The following PCDHGB2 variants were observed in gnomAD, a reference collection of about 807,000 sequenced individuals.
The protein encoded by PCDHGB2 is protocadherin gamma subfamily B, 2.
A neutral mutation model predicts 59.3 loss-of-function variants in PCDHGB2; 55 were observed. That is an observed-to-expected ratio of 0.93 (90% CI 0.75 to 1.16). The LOEUF is 1.16. PCDHGB2 is among the 50% of genes most tolerant of loss of function. The probability of loss-of-function intolerance (pLI) is 0.00; values close to 1 mark genes in which losing one functional copy is unlikely to be tolerated. For synonymous variants in PCDHGB2, 516 were observed against 512.0 expected (o/e 1.01, Z -0.11); for missense variants, 1,228 against 1,198.5 (o/e 1.02, Z -0.36).
chr5:141,479,435 G>C (rs2099495981), intron 1 of PCDHGB2: 1 of 152,218 alleles, frequency 6.6e-6, no homozygotes, highest in Non-Finnish European at 1.5e-5. Context: ...TCAATCCACT[G>C]TCTGCACTAA....
rs761769972 is a variant in PCDHGB2, at chr5:141,360,379, GGAGACTTACTTGTGAGTGACA to G, written c.247_267del (p.Asp83_Arg89del). On this transcript the variant is annotated inframe_deletion, in exon 1 of 4. Transcript: ENST00000522605. ...ATATTTCACAGTAAACCCAGAAAGC[GGAGACTTACTTGTGAGTGACA>G]GAATAGACCGAGAACAGATATGCGG... The G allele has an allele frequency of 5.6e-6, 9 of 1,613,760 alleles. No homozygotes were observed. Among genetic ancestry groups the G allele is most frequent in the Non-Finnish European group, 7.6e-6 (9 of 1,179,806 alleles).
At chr5:141,417,753 C>T (rs889153718) in intron 1 of PCDHGB2, 3 of 1,431,672 alleles carry the variant, frequency 2.1e-6, no homozygotes, top group African/African-American at 2.9e-5. Flanking sequence ...ATTGCCAGCT[C>T]CGAGACCCGG....
chr5:141,376,504 T>C, intron 1 of PCDHGB2: 1 of 1,614,034 alleles, frequency 6.2e-7, no homozygotes, highest in African/African-American at 1.3e-5. Context: ...CCAGGCAACT[T>C]CAGGTGAGTT....
chr5:141,390,373 A>T, intron 1 of PCDHGB2: 1 of 1,481,208 alleles, frequency 6.8e-7, no homozygotes, highest in Non-Finnish European at 9.2e-7. Flanking sequence ...AAAATATATA[A>T]TTTTTAGATG....
chr5:141,361,214 C>G lies in PCDHGB2; in HGVS notation c.1079C>G (p.Ser360Trp). 6.2e-7 allele frequency: 1 copy of G among 1,613,912 alleles called. No homozygotes were observed. The highest frequency in any genetic ancestry group is 8.5e-7 in the Non-Finnish European group (1 of 1,179,872). ...TSVSTPLPED[S>W]PPGTVIALIK... is the part of the protein sequence containing the mutation. Reference sequence around the variant, plus strand: ...GTATCTACTCCCCTACCGGAGGATTCGCCACCAGGAACAGTGATCGCCTTG... The same window carrying G: ...GTATCTACTCCCCTACCGGAGGATTGGCCACCAGGAACAGTGATCGCCTTG... The change falls in exon 1 of 4, where the codon TCG becomes TGG. Residue 360 changes from serine to tryptophan, a missense_variant. This residue lies in a region of PCDHGB2 where 781 missense variants were observed against 721.6 expected (regional missense o/e 1.08). Coordinates refer to ENST00000522605, the MANE Select transcript of PCDHGB2 (RefSeq NM_018923.3).
chr5:141,377,571 G>A (rs1188090213), intron 1 of PCDHGB2: 1 of 151,658 alleles, frequency 6.6e-6, no homozygotes, highest in African/African-American at 2.4e-5. Context: ...ACCCTAGCCT[G>A]GGAGACAGAA....
intron 1 of PCDHGB2, chr5:141,475,845 G>C: frequency 4.5e-6 from 2 of 448,002 alleles, no homozygotes; most frequent in Non-Finnish European, 7.9e-6. Context: ...TGCTCAGAGA[G>C]CCCGGCGCTA....
chr5:141,423,756 GGGGGTGGGGC>G, intron 1 of PCDHGB2: 1 of 448,620 alleles, frequency 2.2e-6, no homozygotes, highest in Non-Finnish European at 3.0e-6. Context: ...TGTTTGGGGG[GGGGGTGGGGC>G]GGCATATATT....
chr5:141,372,277 C>A, intron 1 of PCDHGB2: 1 of 1,613,112 alleles, frequency 6.2e-7, no homozygotes. Flanking sequence ...GAGGTGCGCA[C>A]GGCGCGTACC....
In PCDHGB2 at chr5:141,413,451, C is replaced by T. The variant is rs1561742650; in HGVS notation, c.2421+50895C>T. 6.2e-6 allele frequency: 10 copies of T among 1,614,118 alleles called. No homozygotes were observed. The South Asian group carries it at 1.1e-4, about 18-fold the overall frequency. ...GCAGCGGCAGCTTGATCACCGCGGGCAGGATAGACCGGGAGGAGCTCTGCG... is the reference window on the plus strand; with the variant it reads ...GCAGCGGCAGCTTGATCACCGCGGGTAGGATAGACCGGGAGGAGCTCTGCG... On this transcript the variant is annotated intron_variant, in intron 1 of 3. Transcript: ENST00000522605.
At chr5:141,450,770 AG>A (rs1354382498) in intron 1 of PCDHGB2, among the ~76,000 whole-genome samples, 1 of 151,448 alleles carries the variant, frequency 6.6e-6, no homozygotes, top group Non-Finnish European at 1.5e-5. Context: ...TACAGGCATG[AG>A]CCACCGTGCC....
chr5:141,384,206 C>T (rs887307433), intron 1 of PCDHGB2: 1 of 1,613,928 alleles, frequency 6.2e-7, no homozygotes. Context: ...TCCAGGGAAA[C>T]TCACATATTC....
intron 1 of PCDHGB2, chr5:141,389,468 C>T (rs772524229): frequency 1.2e-6 from 2 of 1,613,294 alleles, no homozygotes; most frequent in East Asian, 2.2e-5. Context: ...CCTTCGAACT[C>T]ACACTGCAGG....
In PCDHGB2 at chr5:141,362,093, C is replaced by T. The variant is rs1228101788; in HGVS notation, c.1958C>T (p.Pro653Leu). The change falls in exon 1 of 4, where the codon CCA (proline) becomes CTA (leucine). Residue 653 changes from proline (P) to leucine (L), a missense_variant. Physicochemically the swap from Pro to Leu is moderately conservative, Grantham distance 98. Around this residue, in one of 3 missense-constraint regions of PCDHGB2, gnomAD observed 433 missense variants for 441.8 expected, o/e 0.98. Coordinates refer to ENST00000522605, the MANE Select transcript of PCDHGB2 (RefSeq NM_018923.3). ...LVAVRDGGQP[P>L]LSATATLHLI... ...GCTGTGCGTGATGGAGGACAGCCGC[C>T]ACTCTCCGCTACGGCCACGCTGCAC... is the stretch of plus-strand genomic sequence containing the variant. 1 of 1,613,828 alleles carries T rather than the reference C, an allele frequency of 6.2e-7. No individual in the cohort carries two copies. Among genetic ancestry groups the T allele is most frequent in the Non-Finnish European group, 8.5e-7 (1 of 1,179,890 alleles).
At chr5:141,482,116 T>C (rs1017195289) in intron 1 of PCDHGB2, among the ~76,000 whole-genome samples, 4 of 150,222 alleles carry the variant, frequency 2.7e-5, no homozygotes, top group South Asian at 2.1e-4. Context: ...TATCTAGAGA[T>C]GGGAGAATCA....
chr5:141,428,204 C>G, intron 1 of PCDHGB2: 2 of 1,324,722 alleles, frequency 1.5e-6, no homozygotes, highest in Non-Finnish European at 1.1e-6. Context: ...TGCGCCGCTA[C>G]GCTTCACCTA....
chr5:141,461,647 C>T (rs1242234255), intron 1 of PCDHGB2, among the ~76,000 whole-genome samples: 3 of 152,006 alleles, frequency 2.0e-5, no homozygotes, highest in Non-Finnish European at 4.4e-5. Context: ...TTCTTTGACC[C>T]ATGGATTATT....
intron 1 of PCDHGB2, among the ~76,000 whole-genome samples, chr5:141,462,745 TATG>T (rs1249238113): frequency 6.6e-6 from 1 of 152,262 alleles, no homozygotes; most frequent in Non-Finnish European, 1.5e-5. Flanking sequence ...CTGTAATTCC[TATG>T]ATGATTTTCT....
intron 1 of PCDHGB2, among the ~76,000 whole-genome samples, chr5:141,451,032 A>G: frequency 6.6e-6 from 1 of 150,486 alleles, no homozygotes; most frequent in Non-Finnish European, 1.5e-5. Context: ...GTTTCACCAT[A>G]TTGGCCAGGC....
Sources: gnomAD v4.1 joint callset for allele counts (sites outside exome capture counted in the v4.1 genomes callset) on GRCh38, gnomAD v4.1.1 for gene constraint, gnomAD v4.1.1 regional missense constraint, MANE v1.5 for transcripts, NCBI Gene and HGNC (gene_info 2026-07-23, HGNC 2026-07-21) for gene names.